Variants in NRXN1 observed in about 807,000 individuals in gnomAD.
The protein encoded by NRXN1 is neurexin-1.
In NRXN1, 39 loss-of-function variants were observed where a neutral mutation model predicts 150.9. That is an observed-to-expected ratio of 0.26 (90% confidence interval 0.20 to 0.34). The LOEUF is 0.34. Ranked by LOEUF, NRXN1 falls within the 10% of genes least tolerant of loss-of-function variation. The pLI, the probability that NRXN1 is intolerant of heterozygous loss-of-function variation, is 1.00. For missense variants in NRXN1, 1,815 were observed against 1,949.9 expected (o/e 0.93, Z 1.30); for synonymous variants, 924 against 757.0 (o/e 1.22, Z -3.62).
At chr2:50,436,588 C>T (rs2085468198) in intron 17 of NRXN1, among the ~76,000 whole-genome samples, 1 of 151,992 alleles carries the variant, frequency 6.6e-6, no homozygotes, top group Non-Finnish European at 1.5e-5. Context: ...TTACTAATCC[C>T]AGATAGGTTT....
At chr2:50,920,406 T>A (rs1685839343) in intron 5 of NRXN1, among the ~76,000 whole-genome samples, 1 of 151,796 alleles carries the variant, frequency 6.6e-6, no homozygotes, top group Admixed American at 6.6e-5. Flanking sequence ...AATGGTTGTA[T>A]AATTAAAAAA....
At chr2:49,923,128 T>G (rs1320920445) in intron 22 of NRXN1, among the ~76,000 whole-genome samples, 1 of 152,182 alleles carries the variant, frequency 6.6e-6, no homozygotes, top group Non-Finnish European at 1.5e-5. Context: ...TGCCTACGTC[T>G]TCTTGAAGGC....
chr2:50,884,872 C>T (rs1679990700), intron 5 of NRXN1, among the ~76,000 whole-genome samples: 2 of 150,790 alleles, frequency 1.3e-5, no homozygotes, highest in Admixed American at 1.3e-4. Flanking sequence ...GCAAAAGTAG[C>T]AATTGAAGGG....
chr2:50,287,369 G>A (rs1437424876), intron 17 of NRXN1, among the ~76,000 whole-genome samples: 2 of 151,992 alleles, frequency 1.3e-5, no homozygotes, highest in East Asian at 1.9e-4. Context: ...ATATTACAGG[G>A]GAAGGTAACC....
chr2:50,391,925 A>G (rs1558652972), intron 17 of NRXN1, among the ~76,000 whole-genome samples: 1 of 152,182 alleles, frequency 6.6e-6, no homozygotes, highest in African/African-American at 2.4e-5. Context: ...GTTTCCGACA[A>G]TAAAAGAAAT....
chr2:50,517,421 T>A (rs78953353), intron 12 of NRXN1, among the ~76,000 whole-genome samples: 3 of 144,886 alleles, frequency 2.1e-5, no homozygotes, highest in Non-Finnish European at 3.1e-5. Context: ...GACTTTTTTT[T>A]AAATGGTAGA....
chr2:50,402,485 G>A (rs1310209980), intron 17 of NRXN1, among the ~76,000 whole-genome samples: 1 of 151,972 alleles, frequency 6.6e-6, no homozygotes, highest in African/African-American at 2.4e-5. Context: ...ATGTGGGGGC[G>A]GGAAACAACC....
At chr2:50,928,998 G>C (rs1395966337) in intron 2 of NRXN1, among the ~76,000 whole-genome samples, 1 of 151,974 alleles carries the variant, frequency 6.6e-6, no homozygotes, top group Non-Finnish European at 1.5e-5. Context: ...CTTTCAGATA[G>C]GATGGGCTTC....
At chr2:50,028,675 A>G (rs1406743645) in intron 21 of NRXN1, among the ~76,000 whole-genome samples, 1 of 152,254 alleles carries the variant, frequency 6.6e-6, no homozygotes, top group Non-Finnish European at 1.5e-5. Flanking sequence ...TATGCAACAA[A>G]TGAGCCATCA....
chr2:50,898,588 T>C, intron 5 of NRXN1: 1 of 490,788 alleles, frequency 2.0e-6, no homozygotes, highest in South Asian at 1.5e-5. Flanking sequence ...GTGCTCTTCC[T>C]AGGATTCAAC....
intron 2 of NRXN1, among the ~76,000 whole-genome samples, chr2:50,977,133 A>G (rs957176812): frequency 6.6e-6 from 1 of 152,002 alleles, no homozygotes; most frequent in Non-Finnish European, 1.5e-5. Flanking sequence ...TGGTCTGCTA[A>G]TTATTATATG....
chr2:50,071,726 T>C (rs1313449012), intron 19 of NRXN1, among the ~76,000 whole-genome samples: 1 of 152,224 alleles, frequency 6.6e-6, no homozygotes, highest in Non-Finnish European at 1.5e-5. Flanking sequence ...AATTTAAACG[T>C]AGTTTGAAAT....
At chr2:50,069,847 GTTT>G (rs1244777512) in intron 19 of NRXN1, among the ~76,000 whole-genome samples, 3 of 63,850 alleles carry the variant, frequency 4.7e-5, no homozygotes, top group Non-Finnish European at 8.3e-5. Context: ...GATTTTGGGG[GTTT>G]TTTTTTTTTT....
At chr2:50,959,110 G>A (rs1345812662) in intron 2 of NRXN1, among the ~76,000 whole-genome samples, 3 of 151,856 alleles carry the variant, frequency 2.0e-5, no homozygotes, top group South Asian at 2.1e-4. Context: ...AACAAGTGTC[G>A]GTGAAAATGT....
At chr2:50,923,386 T>C (rs1386279392) in intron 3 of NRXN1, 1 of 290,010 alleles carries the variant, frequency 3.4e-6, no homozygotes, top group Non-Finnish European at 7.5e-6. Context: ...TTCACCTAAA[T>C]ATTTCTTAAA....
chr2:50,951,989 C>T (rs1306645466), intron 2 of NRXN1, among the ~76,000 whole-genome samples: 18 of 56,254 alleles, frequency 3.2e-4, no homozygotes, highest in African/African-American at 9.7e-4. Context: ...TTTTTTGAGA[C>T]GGAGTCTCGC....
chr2:50,647,264 C>G lies in NRXN1; in HGVS notation c.833-23649G>C, dbSNP rs140564188. Among the ~76,000 whole-genome samples the G allele has an allele frequency of 2.9e-3, 433 of 151,866 alleles. 1 individual carries two copies. The highest frequency in any genetic ancestry group is 0.014 in the Middle Eastern group (4 of 294). On this transcript the variant is annotated intron_variant, in intron 5 of 22. Coordinates refer to ENST00000401669, the MANE Select transcript of NRXN1 (RefSeq NM_001330078.2). ...TTATTTTATATCCACTTTTGAGGGC[C>G]TCATATTTTCTTGGCTTAGGTACTC...
chr2:50,152,584 T>C (rs994735475), intron 18 of NRXN1, among the ~76,000 whole-genome samples: 9 of 151,926 alleles, frequency 5.9e-5, no homozygotes, highest in South Asian at 2.1e-4. Flanking sequence ...TTGCCAGATA[T>C]AGGATTCTTG....
intron 18 of NRXN1, among the ~76,000 whole-genome samples, chr2:50,198,132 A>G (rs561217072): frequency 6.6e-6 from 1 of 152,250 alleles, no homozygotes; most frequent in East Asian, 1.9e-4. Flanking sequence ...GGGCATTGCT[A>G]TCACCAAATA....
Sources: allele counts gnomAD v4.1 joint callset (sites outside exome capture counted in the v4.1 genomes callset), GRCh38; gene constraint gnomAD v4.1.1; transcripts MANE v1.5; gene names NCBI Gene and HGNC (gene_info 2026-07-23, HGNC 2026-07-21).